The following FBXO38 variants were observed in gnomAD, a reference collection of about 807,000 sequenced individuals.
FBXO38 encodes the protein F-box only protein 38.
Under a neutral mutation model 131.9 loss-of-function variants are expected in FBXO38, and 53 were observed. That is an observed-to-expected ratio of 0.40 (90% CI 0.32 to 0.51). FBXO38 has a LOEUF of 0.51. Ranked by LOEUF, FBXO38 falls within the 20% of genes least tolerant of loss-of-function variation. The pLI, the probability that FBXO38 is intolerant of heterozygous loss-of-function variation, is 0.53. For missense variants in FBXO38, 1,076 were observed against 1,475.6 expected (o/e 0.73, Z 4.44); for synonymous variants, 452 against 505.6 (o/e 0.89, Z 1.42).
chr5:148,410,399 AT>A (rs1284434650), intron 8 of FBXO38: 1 of 510,462 alleles, frequency 2.0e-6, no homozygotes, highest in African/African-American at 2.0e-5. Flanking sequence ...TCAGGCAAAA[AT>A]GTGACTTGCT....
chr5:148,406,147 G>C, intron 6 of FBXO38, 110 bp from the exon 7 acceptor site: 1 of 1,039,156 alleles, frequency 9.6e-7, no homozygotes, highest in Non-Finnish European at 1.4e-6. Context: ...AGCCAATTTG[G>C]CTGTCATTTT....
At chr5:148,438,278 G>T (rs1384876395) in intron 17 of FBXO38, 54 bp from the exon 18 acceptor site, 2 of 1,529,862 alleles carry the variant, frequency 1.3e-6, no homozygotes, top group African/African-American at 1.4e-5. Flanking sequence ...CAAAAATTAG[G>T]CCATCTCTCC....
At chr5:148,406,009 T>C (rs1356263081) in intron 6 of FBXO38, among the ~76,000 whole-genome samples, 1 of 152,240 alleles carries the variant, frequency 6.6e-6, no homozygotes, top group Non-Finnish European at 1.5e-5. Flanking sequence ...AGTTCAAAAC[T>C]ATTGAGCCTT....
At chr5:148,430,037 A>G (rs1753941497) in intron 15 of FBXO38, 2 of 151,856 alleles carry the variant, frequency 1.3e-5, no homozygotes, top group Non-Finnish European at 1.5e-5. Flanking sequence ...TTTACTTTCA[A>G]TAGTATTTTT....
At chr5:148,395,250 A>G (rs1758419732) in intron 2 of FBXO38, among the ~76,000 whole-genome samples, 1 of 152,166 alleles carries the variant, frequency 6.6e-6, no homozygotes, top group South Asian at 2.1e-4. Flanking sequence ...TTATAACAGT[A>G]CTGTGTGTTT....
intron 2 of FBXO38, among the ~76,000 whole-genome samples, chr5:148,398,348 TAAAG>T (rs1198323458): frequency 6.7e-6 from 1 of 150,256 alleles, no homozygotes; most frequent in Non-Finnish European, 1.5e-5. Context: ...GAAAAGATAA[TAAAG>T]AAGAATGGAA....
At chr5:148,413,800 T>C (rs1399002000) in intron 9 of FBXO38, 4 of 179,840 alleles carry the variant, frequency 2.2e-5, no homozygotes, top group Middle Eastern at 2.1e-3. Context: ...TCCTTTTAAA[T>C]GATAAAGCTA....
At chr5:148,412,402 G>T (rs746887955) in intron 9 of FBXO38, among the ~76,000 whole-genome samples, 1 of 152,148 alleles carries the variant, frequency 6.6e-6, no homozygotes, top group Admixed American at 6.5e-5. Context: ...TCTCCAAGAA[G>T]TGGTGGCTGG....
chr5:148,439,813 T>C (rs1439284649), intron 19 of FBXO38, 21 bp downstream of exon 19: 4 of 1,612,250 alleles, frequency 2.5e-6, no homozygotes, highest in Non-Finnish European at 3.4e-6. Context: ...TTGTGGCCCT[T>C]AAAGGCCTTT....
chr5:148,398,984 C>G lies in FBXO38; in HGVS notation c.129-15C>G, dbSNP rs781756798. The G allele has an allele frequency of 6.2e-7, 1 of 1,612,612 alleles. No individual in the cohort carries two copies. Among genetic ancestry groups the G allele is most frequent in the Admixed American group, 1.7e-5 (1 of 59,870 alleles). ...TTATCCACTTGATAAATACGAGTTTCTTTCTCTCACAAAGGTACCTCCCTC... is the reference window on the plus strand; with the variant it reads ...TTATCCACTTGATAAATACGAGTTTGTTTCTCTCACAAAGGTACCTCCCTC... On this transcript the variant is annotated splice_polypyrimidine_tract_variant and intron_variant, in intron 2 of 21. Coordinates refer to ENST00000340253, the MANE Select transcript of FBXO38 (RefSeq NM_205836.3).
intron 1 of FBXO38, 107 bp from the exon 2 acceptor site, chr5:148,394,606 AC>A (rs532171159): frequency 2.2e-4 from 91 of 406,252 alleles, no homozygotes; most frequent in South Asian, 1.3e-3. Flanking sequence ...TGTGATGTGT[AC>A]CATTATGATA....
In FBXO38 at chr5:148,424,120, A is replaced by G. The variant is rs1247008285; in HGVS notation, c.1738+3A>G. 1 of 1,611,282 alleles carries G rather than the reference A, an allele frequency of 6.2e-7. No individual in the cohort carries two copies. Among genetic ancestry groups the G allele is most frequent in the South Asian group, 1.1e-5 (1 of 90,682 alleles). ...GGATGTTGATGAGGAACAAGCAGGT[A>G]ATCATGTGATCCATCCCACATTCAT... On this transcript the variant is annotated splice_donor_region_variant and intron_variant, in intron 13 of 21. Coordinates refer to ENST00000340253, the MANE Select transcript of FBXO38 (RefSeq NM_205836.3).
chr5:148,410,593 G>C (rs1410126140), intron 8 of FBXO38, 42 bp from the exon 9 acceptor site: 1 of 1,607,542 alleles, frequency 6.2e-7, no homozygotes. Flanking sequence ...GATTCTGATG[G>C]TTTTTGTTTT....
chr5:148,438,923 T>C (rs1277393287), intron 18 of FBXO38, among the ~76,000 whole-genome samples: 1 of 152,196 alleles, frequency 6.6e-6, no homozygotes, highest in African/African-American at 2.4e-5. Context: ...TTATCATTAT[T>C]AAGAGTATAT....
At chr5:148,394,673 G>T (rs1280576774) in intron 1 of FBXO38, 41 bp from the exon 2 acceptor site, 5 of 1,027,220 alleles carry the variant, frequency 4.9e-6, no homozygotes, top group African/African-American at 3.4e-5. Flanking sequence ...TTTAGTAGGG[G>T]GTGTGTTTTT....
In FBXO38 at chr5:148,427,683, C is replaced by A; in HGVS notation, c.2389C>A (p.Pro797Thr). The change falls in exon 15 of 22, where the codon CCT (proline) becomes ACT (threonine). Residue 797 changes from proline (P) to threonine (T), a missense_variant. Physicochemically the swap from Pro to Thr is conservative, Grantham distance 38. This residue lies in a region of FBXO38 where 213 missense variants were observed against 225.2 expected (regional missense o/e 0.95). Coordinates refer to ENST00000340253, the MANE Select transcript of FBXO38 (RefSeq NM_205836.3). ...RTSRCSDEER[P>T]STSRACVVNG... The stretch of plus-strand genomic sequence containing the variant: ...TAGCAGGTGTTCTGATGAGGAACGT[C>A]CTTCAACCAGCCGAGCCTGTGTTGT... 1 of 1,614,196 alleles carries A rather than the reference C, an allele frequency of 6.2e-7. No individual in the cohort carries two copies. Among genetic ancestry groups the A allele is most frequent in the South Asian group, 1.1e-5 (1 of 91,088 alleles).
chr5:148,432,321 C>T (rs1754081071), intron 15 of FBXO38, among the ~76,000 whole-genome samples: 1 of 152,104 alleles, frequency 6.6e-6, no homozygotes, highest in African/African-American at 2.4e-5. Context: ...TAAATAAGGA[C>T]AATATTTGCT....
At chr5:148,441,305 ATC>A in intron 21 of FBXO38, 68 bp downstream of exon 21, 1 of 1,156,212 alleles carries the variant, frequency 8.6e-7, no homozygotes, top group Non-Finnish European at 1.3e-6. Flanking sequence ...CATACTTAAT[ATC>A]TTTTTGTGAG....
rs1313154370 is a variant in FBXO38, at chr5:148,439,604, C to T, written c.3025-43C>T. On this transcript the variant is annotated intron_variant, in intron 18 of 21. Coordinates refer to ENST00000340253, the MANE Select transcript of FBXO38 (RefSeq NM_205836.3). ...AGCTCTCGGAGAGAGATTTCTAAGG[C>T]ATTCTCTTTGTTGAAGACATCTCTT... The T allele has an allele frequency of 3.2e-6, 5 of 1,567,450 alleles. No individual in the cohort carries two copies. In the South Asian group the frequency reaches 4.6e-5, roughly 14 times the overall value.
Sources: allele counts gnomAD v4.1 joint callset (sites outside exome capture counted in the v4.1 genomes callset), GRCh38; gene constraint gnomAD v4.1.1; regional missense constraint gnomAD v4.1.1; transcripts MANE v1.5; gene names NCBI Gene and HGNC (gene_info 2026-07-23, HGNC 2026-07-21).